The following CADM2 variants were observed in gnomAD, a reference collection of about 807,000 sequenced individuals.
CADM2 encodes the protein immunoglobulin superfamily member 4D.
In CADM2, 12 loss-of-function variants were observed where a neutral mutation model predicts 49.8. The observed-to-expected ratio is 0.24, with a 90% CI of 0.15 to 0.39. The LOEUF (loss-of-function observed/expected upper bound fraction) is 0.39, where lower values mean the gene tolerates loss of function less well. Among genes scored for constraint, CADM2 ranks in the 10% least tolerant of loss-of-function variants. The pLI is 1.00. For missense variants in CADM2, 378 were observed against 492.3 expected (o/e 0.77, Z 2.20); for synonymous variants, 214 against 175.4 (o/e 1.22, Z -1.74).
chr3:85,368,359 A>G (rs1233924323), intron 1 of CADM2, among the ~76,000 whole-genome samples: 1 of 152,058 alleles, frequency 6.6e-6, no homozygotes, highest in Non-Finnish European at 1.5e-5. Context: ...CACGTAAATG[A>G]TTAGAGGGGA....
rs180853271 is a variant in CADM2, at chr3:85,944,332, A to T, written c.791+8475A>T. 2.2e-3 allele frequency among the ~76,000 whole-genome samples: 336 copies of T among 152,188 alleles called. 3 individuals carry two copies. Among genetic ancestry groups the T allele is most frequent in the Middle Eastern group, 0.01 (3 of 294 alleles). Reference sequence around the variant, plus strand: ...CCACACAATAATAATGGGAGGCTTTAACACCCCACTGTCAACATTAGACAG... The same window carrying T: ...CCACACAATAATAATGGGAGGCTTTTACACCCCACTGTCAACATTAGACAG... On this transcript the variant is annotated intron_variant, in intron 7 of 9. Transcript: ENST00000383699.
chr3:85,488,821 G>A (rs1458327525), intron 1 of CADM2, among the ~76,000 whole-genome samples: 1 of 152,072 alleles, frequency 6.6e-6, no homozygotes, highest in Non-Finnish European at 1.5e-5. Context: ...GAGCCACCGT[G>A]CCTGGCCTAT....
chr3:85,723,777 T>C (rs1404687776), intron 1 of CADM2, among the ~76,000 whole-genome samples: 1 of 152,120 alleles, frequency 6.6e-6, no homozygotes, highest in Non-Finnish European at 1.5e-5. Flanking sequence ...AAATGATTTC[T>C]TATAAAAGAT....
At chr3:85,302,226 A>G (rs2044119269) in intron 1 of CADM2, among the ~76,000 whole-genome samples, 2 of 152,000 alleles carry the variant, frequency 1.3e-5, no homozygotes, top group African/African-American at 2.4e-5. Flanking sequence ...TTCGTTTTTC[A>G]TAATTTTAAC....
chr3:85,362,968 C>T (rs755541553), intron 1 of CADM2, among the ~76,000 whole-genome samples: 7 of 152,102 alleles, frequency 4.6e-5, no homozygotes, highest in Non-Finnish European at 1.0e-4. Flanking sequence ...TCATTGCATA[C>T]TTTCTGCAAA....
At chr3:85,294,010 C>T (rs2043879692) in intron 1 of CADM2, among the ~76,000 whole-genome samples, 1 of 151,914 alleles carries the variant, frequency 6.6e-6, no homozygotes, top group Non-Finnish European at 1.5e-5. Context: ...TCCCTGTTTG[C>T]AGACGACATG....
At chr3:85,172,372 A>C (rs1055175376) in intron 1 of CADM2, among the ~76,000 whole-genome samples, 4 of 152,256 alleles carry the variant, frequency 2.6e-5, no homozygotes, top group African/African-American at 9.6e-5. Context: ...GGGGACACAA[A>C]AACAAATGAA....
chr3:85,489,517 A>G (rs920735656), intron 1 of CADM2, among the ~76,000 whole-genome samples: 1 of 152,158 alleles, frequency 6.6e-6, no homozygotes, highest in Non-Finnish European at 1.5e-5. Context: ...ACATCAATAC[A>G]TGAACATTAA....
At chr3:84,981,404 C>G (rs1303389451) in intron 1 of CADM2, among the ~76,000 whole-genome samples, 1 of 151,806 alleles carries the variant, frequency 6.6e-6, no homozygotes, top group African/African-American at 2.4e-5. Context: ...AGGAGGGGCA[C>G]AGAAGACAGA....
intron 1 of CADM2, among the ~76,000 whole-genome samples, chr3:85,546,943 G>T (rs2061681006): frequency 1.3e-5 from 2 of 151,962 alleles, no homozygotes; most frequent in Admixed American, 6.6e-5. Context: ...ATTTGAAGTT[G>T]TCTACAGAAA....
intron 1 of CADM2, among the ~76,000 whole-genome samples, chr3:85,481,661 A>G (rs893113049): frequency 6.6e-6 from 1 of 151,728 alleles, no homozygotes; most frequent in African/African-American, 2.4e-5. Context: ...TACCACTGAG[A>G]TTTTAGAGAA....
At chr3:84,978,267 A>G (rs2031956258) in intron 1 of CADM2, among the ~76,000 whole-genome samples, 1 of 152,058 alleles carries the variant, frequency 6.6e-6, no homozygotes, top group African/African-American at 2.4e-5. Flanking sequence ...GTTACCTTTT[A>G]CTGTTTTAAT....
chr3:85,798,903 G>A (rs950992746), intron 2 of CADM2, among the ~76,000 whole-genome samples: 2 of 152,138 alleles, frequency 1.3e-5, no homozygotes, highest in Non-Finnish European at 2.9e-5. Flanking sequence ...CTATCCATGA[G>A]CATAGAATGT....
At chr3:85,467,541 G>A (rs2038552021) in intron 1 of CADM2, among the ~76,000 whole-genome samples, 1 of 151,602 alleles carries the variant, frequency 6.6e-6, no homozygotes, top group African/African-American at 2.4e-5. Flanking sequence ...ATATCCTTGA[G>A]AAATGATAGA....
intron 1 of CADM2, among the ~76,000 whole-genome samples, chr3:85,686,072 T>G (rs2066205874): frequency 6.6e-6 from 1 of 152,238 alleles, no homozygotes; most frequent in Non-Finnish European, 1.5e-5. Flanking sequence ...CTATCCATGT[T>G]AACACATGCA....
At chr3:85,485,383 GCA>G (rs2039375394) in intron 1 of CADM2, among the ~76,000 whole-genome samples, 1 of 151,874 alleles carries the variant, frequency 6.6e-6, no homozygotes, top group Non-Finnish European at 1.5e-5. Flanking sequence ...TCAGCCCAAA[GCA>G]TTGTTAACTT....
intron 2 of CADM2, among the ~76,000 whole-genome samples, chr3:85,727,150 A>G (rs2067734775): frequency 6.6e-6 from 1 of 152,126 alleles, no homozygotes; most frequent in South Asian, 2.1e-4. Context: ...AAAAATTCAA[A>G]TACATGTATG....
chr3:85,206,463 A>G (rs762374795), intron 1 of CADM2, among the ~76,000 whole-genome samples: 9 of 151,496 alleles, frequency 5.9e-5, no homozygotes, highest in African/African-American at 1.2e-4. Context: ...GCCCGTCACC[A>G]CGCCCGGCTA....
intron 1 of CADM2, among the ~76,000 whole-genome samples, chr3:85,318,881 T>A (rs995902768): frequency 3.3e-5 from 5 of 152,166 alleles, no homozygotes; most frequent in African/African-American, 1.2e-4. Context: ...TGATATGATT[T>A]AATATTTTAT....
Sources: allele counts gnomAD v4.1 joint callset (sites outside exome capture counted in the v4.1 genomes callset), GRCh38; gene constraint gnomAD v4.1.1; transcripts MANE v1.5; gene names NCBI Gene and HGNC (gene_info 2026-07-23, HGNC 2026-07-21).